The following UGP2 variants were observed in gnomAD, a reference collection of about 807,000 sequenced individuals.
The protein encoded by UGP2 is UDP-glucose pyrophosphorylase 2, also known as UTP--glucose-1-phosphate uridylyltransferase.
A neutral mutation model predicts 49.0 loss-of-function variants in UGP2; 40 were observed. The observed-to-expected ratio is 0.82, with a 90% CI of 0.63 to 1.06. UGP2 has a LOEUF of 1.06. Among genes scored for constraint, UGP2 ranks in the 50% least tolerant of loss-of-function variants. UGP2 has a pLI of 0.00. For synonymous variants in UGP2, 225 were observed against 213.0 expected, an observed-to-expected ratio of 1.06 and a Z score of -0.49; for missense variants, 460 against 603.5, an observed-to-expected ratio of 0.76 and a Z score of 2.49.
In UGP2 at chr2:63,856,311, A is replaced by G. The variant is rs1033686143; in HGVS notation, c.25A>G (p.Ser9Gly). Residue 9 changes from serine (S) to glycine (G), a missense_variant, in exon 2 of 10, where the codon AGC becomes GGC. By Grantham distance (56) the Ser-to-Gly change is moderately conservative. Around this residue, in one of 2 missense-constraint regions of UGP2, gnomAD observed 143 missense variants for 130.4 expected, o/e 1.10. Transcript: ENST00000337130. MSRFVQDLSKAMSQDGASQ... is the reference protein window; with the variant it reads MSRFVQDLGKAMSQDGASQ... ...TTTTATGTTTTTGTTTTAAGATCTT[A>G]GCAAAGCAATGTCTCAAGATGGTGC... 3.1e-6 allele frequency: 5 copies of G among 1,612,402 alleles called. No individual in the cohort carries two copies. The African/African-American group carries it at 6.7e-5, about 22-fold the overall frequency.
In UGP2 at chr2:63,841,988, A is replaced by G; in HGVS notation, c.-198A>G. The G allele has an allele frequency of 1.7e-6, 1 of 597,638 alleles. No individual in the cohort carries two copies. The highest frequency in any genetic ancestry group is 3.2e-5 in the East Asian group (1 of 30,874). 37.0% of individuals were successfully genotyped at this position (597,638 alleles called of 1,614,324 possible). ...AAGTTTCCGTCTTTTGGAATTGGGGAAGGAGTTTCTTTCTTTCTTTTCTTT... is the reference window on the plus strand; with the variant it reads ...AAGTTTCCGTCTTTTGGAATTGGGGGAGGAGTTTCTTTCTTTCTTTTCTTT... On this transcript the variant is annotated 5_prime_UTR_variant, in exon 1 of 10. Coordinates refer to ENST00000337130, the MANE Select transcript of UGP2 (RefSeq NM_006759.4).
chr2:63,847,766 CT>C (rs1484669101), intron 1 of UGP2, among the ~76,000 whole-genome samples: 1 of 152,154 alleles, frequency 6.6e-6, no homozygotes, highest in Non-Finnish European at 1.5e-5. Context: ...GCCATTTACA[CT>C]TCTTTTGTGG....
chr2:63,860,839 AGTGAT>A (rs2104292392), intron 3 of UGP2, among the ~76,000 whole-genome samples: 1 of 150,234 alleles, frequency 6.7e-6, no homozygotes, highest in Non-Finnish European at 1.5e-5. Flanking sequence ...CCTGGCCTCA[AGTGAT>A]CCTCCTGCCT....
intron 3 of UGP2, among the ~76,000 whole-genome samples, chr2:63,858,464 A>G (rs1669601444): frequency 6.6e-6 from 1 of 151,994 alleles, no homozygotes; most frequent in Admixed American, 6.5e-5. Context: ...GTTTATTTGC[A>G]TATGTGGAAA....
intron 1 of UGP2, among the ~76,000 whole-genome samples, chr2:63,844,481 T>C (rs1671795709): frequency 6.6e-6 from 1 of 152,132 alleles, no homozygotes; most frequent in Admixed American, 6.5e-5. Context: ...AGTCCTGAGA[T>C]GTAGATTTTT....
chr2:63,855,373 G>A (rs1440048700), intron 1 of UGP2: 1 of 466,842 alleles, frequency 2.1e-6, no homozygotes, highest in Non-Finnish European at 4.2e-6. Context: ...CAAATACTAA[G>A]GATAGAAGGG....
chr2:63,848,208 C>T (rs1254791903), intron 1 of UGP2, among the ~76,000 whole-genome samples: 1 of 152,138 alleles, frequency 6.6e-6, no homozygotes, highest in East Asian at 1.9e-4. Context: ...TTTCTAAAGA[C>T]TGTTGCCGTT....
At chr2:63,860,545 A>C (rs562803162) in intron 3 of UGP2, among the ~76,000 whole-genome samples, 2 of 152,018 alleles carry the variant, frequency 1.3e-5, no homozygotes, top group East Asian at 3.9e-4. Flanking sequence ...CAGAAAACTG[A>C]CCTCATATGC....
intron 3 of UGP2, among the ~76,000 whole-genome samples, chr2:63,881,537 C>T (rs1050812590): frequency 2.6e-5 from 4 of 152,218 alleles, no homozygotes; most frequent in South Asian, 2.1e-4. Context: ...TAACAGCAAA[C>T]ATGTCACATA....
At position 63,882,512 on chromosome 2, in the gene UGP2, T is replaced by C; in HGVS notation, c.302T>C (p.Ile101Thr). The change falls in exon 4 of 10, where the codon ATA becomes ACA. Residue 101 changes from isoleucine (I) to threonine (T), a missense_variant. Ile to Thr is a moderately conservative substitution (Grantham distance 89). This residue lies in a region of UGP2 where 143 missense variants were observed against 130.4 expected (regional missense o/e 1.10). Coordinates refer to ENST00000337130, the MANE Select transcript of UGP2 (RefSeq NM_006759.4). ...AAGGCCAGGGGCTTGCCTGATAATA[T>C]ATCTTCCGTGTTGAACAAACTAGTG... ...KIKARGLPDN[I>T]SSVLNKLVVV... is the part of the protein sequence containing the mutation. 3 of 1,610,400 alleles carry C rather than the reference T, an allele frequency of 1.9e-6. No homozygotes were observed. Among genetic ancestry groups the C allele is most frequent in the South Asian group, 1.1e-5 (1 of 90,446 alleles).
intron 8 of UGP2, chr2:63,888,127 G>A (rs917426229): frequency 6.5e-6 from 1 of 154,616 alleles, no homozygotes; most frequent in Non-Finnish European, 1.4e-5. Context: ...CAAAGCAAGG[G>A]TGGAGAATAG....
In UGP2 at chr2:63,842,121, G is replaced by T. The variant is rs1259210758; in HGVS notation, c.-65G>T. 11 of 1,550,164 alleles carry T rather than the reference G, an allele frequency of 7.1e-6. No individual in the cohort carries two copies. In the East Asian group the frequency reaches 1.1e-4, roughly 16 times the overall value. On this transcript the variant is annotated 5_prime_UTR_variant, in exon 1 of 10. Coordinates refer to ENST00000337130, the MANE Select transcript of UGP2 (RefSeq NM_006759.4). ...TAAAGCAGGAGAGGAAGAGAGACCT[G>T]CCCTGTAGCGTGACTCCTCTAGAAA...
At chr2:63,869,602 T>G (rs1670408410) in intron 3 of UGP2, among the ~76,000 whole-genome samples, 1 of 152,182 alleles carries the variant, frequency 6.6e-6, no homozygotes, top group African/African-American at 2.4e-5. Flanking sequence ...AATGAGTGAC[T>G]TTTATGATTC....
chr2:63,844,988 G>T (rs1431142245), intron 1 of UGP2, among the ~76,000 whole-genome samples: 3 of 152,192 alleles, frequency 2.0e-5, no homozygotes, highest in Non-Finnish European at 2.9e-5. Context: ...ATTGGGCAAA[G>T]ATAATATTAT....
intron 1 of UGP2, among the ~76,000 whole-genome samples, chr2:63,850,324 CATTT>C (rs1223242360): frequency 2.0e-5 from 3 of 152,066 alleles, no homozygotes; most frequent in Admixed American, 2.0e-4. Context: ...TATCAAAAAG[CATTT>C]ATTAACCATT....
chr2:63,842,140 C>T lies in UGP2; in HGVS notation c.-46C>T, dbSNP rs1421864518. On this transcript the variant is annotated 5_prime_UTR_variant, in exon 1 of 10. Coordinates refer to ENST00000337130, the MANE Select transcript of UGP2 (RefSeq NM_006759.4). ...AGACCTGCCCTGTAGCGTGACTCCTCTAGAAAAAAAAAAAAAAAGCCGGAG... is the reference window on the plus strand; with the variant it reads ...AGACCTGCCCTGTAGCGTGACTCCTTTAGAAAAAAAAAAAAAAAGCCGGAG... 3.2e-6 allele frequency: 5 copies of T among 1,548,696 alleles called. No homozygotes were observed.
chr2:63,854,140 A>AC (rs1292593354), intron 1 of UGP2, among the ~76,000 whole-genome samples: 6 of 152,166 alleles, frequency 3.9e-5, no homozygotes, highest in Non-Finnish European at 7.4e-5. Context: ...TCTGGGCTCC[A>AC]CCATTGGCCT....
chr2:63,869,052 A>G (rs978468631), intron 3 of UGP2, among the ~76,000 whole-genome samples: 1 of 152,278 alleles, frequency 6.6e-6, no homozygotes, highest in Non-Finnish European at 1.5e-5. Context: ...CACCAACTGT[A>G]TGTATATTAG....
At chr2:63,844,210 A>G (rs1671774718) in intron 1 of UGP2, among the ~76,000 whole-genome samples, 1 of 152,110 alleles carries the variant, frequency 6.6e-6, no homozygotes, top group Non-Finnish European at 1.5e-5. Flanking sequence ...TATATGTTTA[A>G]CTCTGCTGCT....
Sources: allele counts gnomAD v4.1 joint callset (sites outside exome capture counted in the v4.1 genomes callset), GRCh38; gene constraint gnomAD v4.1.1; regional missense constraint gnomAD v4.1.1; transcripts MANE v1.5; gene names NCBI Gene and HGNC (gene_info 2026-07-23, HGNC 2026-07-21).